The following NDUFAF2 variants were observed in gnomAD, a reference collection of about 807,000 sequenced individuals.
NDUFAF2 encodes the protein NADH:ubiquinone oxidoreductase complex assembly factor 2.
Under a neutral mutation model 22.8 loss-of-function variants are expected in NDUFAF2, and 13 were observed. The observed-to-expected ratio is 0.57, with a 90% CI of 0.37 to 0.91. The LOEUF (loss-of-function observed/expected upper bound fraction) is 0.91, where lower values mean the gene tolerates loss of function less well. Among genes scored for constraint, NDUFAF2 ranks in the 40% least tolerant of loss-of-function variants. The pLI, the probability that NDUFAF2 is intolerant of heterozygous loss-of-function variation, is 0.01. For missense variants in NDUFAF2, 162 were observed against 195.2 expected, an observed-to-expected ratio of 0.83 and a Z score of 1.01; for synonymous variants, 53 against 64.2, an observed-to-expected ratio of 0.83 and a Z score of 0.84.
At chr5:60,982,858 A>C (rs1485403743) in intron 1 of NDUFAF2, among the ~76,000 whole-genome samples, 1 of 152,066 alleles carries the variant, frequency 6.6e-6, no homozygotes, top group South Asian at 2.1e-4. Context: ...CGCAATAAAC[A>C]TACGTGTGCA....
At chr5:61,059,768 A>C (rs949983055) in intron 1 of NDUFAF2, among the ~76,000 whole-genome samples, 5 of 152,082 alleles carry the variant, frequency 3.3e-5, no homozygotes, top group African/African-American at 7.2e-5. Context: ...TATCTGTAAG[A>C]CTTCTATAAT....
At chr5:61,053,190 A>G (rs1752046835) in intron 1 of NDUFAF2, among the ~76,000 whole-genome samples, 1 of 152,252 alleles carries the variant, frequency 6.6e-6, no homozygotes, top group Non-Finnish European at 1.5e-5. Flanking sequence ...CTGCATGGAA[A>G]GAACTGCATG....
chr5:61,004,075 C>T (rs925975948), intron 1 of NDUFAF2, among the ~76,000 whole-genome samples: 1 of 151,972 alleles, frequency 6.6e-6, no homozygotes. Context: ...TGCTTACTTG[C>T]CTATCCTGTA....
At chr5:61,054,620 C>T (rs1752064476) in intron 1 of NDUFAF2, among the ~76,000 whole-genome samples, 1 of 152,170 alleles carries the variant, frequency 6.6e-6, no homozygotes, top group Admixed American at 6.5e-5. Context: ...CCCCTTGCTA[C>T]TTAATTGGTA....
At chr5:61,004,183 C>G (rs1397683447) in intron 1 of NDUFAF2, among the ~76,000 whole-genome samples, 1 of 151,934 alleles carries the variant, frequency 6.6e-6, no homozygotes. Context: ...AGTTTTCTGT[C>G]TTATTTGTTT....
At chr5:61,089,629 A>G (rs886402268) in intron 2 of NDUFAF2, among the ~76,000 whole-genome samples, 3 of 152,110 alleles carry the variant, frequency 2.0e-5, no homozygotes, top group Admixed American at 2.0e-4. Context: ...ACAATTATAA[A>G]TATACAAGCT....
intron 1 of NDUFAF2, among the ~76,000 whole-genome samples, chr5:61,052,301 T>C (rs893093958): frequency 1.3e-5 from 2 of 152,152 alleles, no homozygotes; most frequent in African/African-American, 4.8e-5. Flanking sequence ...AGAAAAATTA[T>C]ATTTGTTATT....
At chr5:61,094,728 A>G (rs1040005982) in intron 2 of NDUFAF2, among the ~76,000 whole-genome samples, 6 of 152,090 alleles carry the variant, frequency 3.9e-5, no homozygotes, top group African/African-American at 1.4e-4. Flanking sequence ...GGGCTACTGC[A>G]GTTTTCTGGG....
At chr5:60,986,438 C>G (rs1341796689) in intron 1 of NDUFAF2, among the ~76,000 whole-genome samples, 1 of 152,096 alleles carries the variant, frequency 6.6e-6, no homozygotes, top group Non-Finnish European at 1.5e-5. Context: ...AAAGATACAA[C>G]ATACTAGAAT....
At chr5:60,946,093 C>T (rs1441681160) in intron 1 of NDUFAF2, among the ~76,000 whole-genome samples, 1 of 152,016 alleles carries the variant, frequency 6.6e-6, no homozygotes, top group Non-Finnish European at 1.5e-5. Context: ...AGTAGTTGAG[C>T]GGGTTGTTTG....
chr5:60,999,696 T>A (rs1037356910), intron 1 of NDUFAF2, among the ~76,000 whole-genome samples: 78 of 152,192 alleles, frequency 5.1e-4, no homozygotes, highest in African/African-American at 1.9e-3. Context: ...ATGGTAAATT[T>A]TATGTTATGT....
intron 1 of NDUFAF2, among the ~76,000 whole-genome samples, chr5:61,060,363 A>G (rs1223649398): frequency 1.3e-5 from 2 of 152,166 alleles, no homozygotes; most frequent in African/African-American, 4.8e-5. Flanking sequence ...AACCTAATAT[A>G]TGTAGCGTGG....
chr5:61,065,798 G>A (rs1580119434), intron 1 of NDUFAF2, among the ~76,000 whole-genome samples: 1 of 152,100 alleles, frequency 6.6e-6, no homozygotes, highest in East Asian at 1.9e-4. Context: ...GCAAGGACAT[G>A]CACTCCTGCC....
At chr5:60,983,961 ATG>A (rs1292370688) in intron 1 of NDUFAF2, among the ~76,000 whole-genome samples, 2 of 152,052 alleles carry the variant, frequency 1.3e-5, no homozygotes, top group Non-Finnish European at 2.9e-5. Flanking sequence ...CTTGATGGGG[ATG>A]GCATTGAATC....
intron 1 of NDUFAF2, among the ~76,000 whole-genome samples, chr5:61,009,941 C>T (rs1751423132): frequency 6.6e-6 from 1 of 151,982 alleles, no homozygotes; most frequent in Admixed American, 6.6e-5. Flanking sequence ...ATAAATGATG[C>T]CACTTCCAGC....
At chr5:61,132,190 A>G (rs1348115245) in intron 3 of NDUFAF2, among the ~76,000 whole-genome samples, 2 of 152,186 alleles carry the variant, frequency 1.3e-5, no homozygotes, top group Non-Finnish European at 2.9e-5. Context: ...TCTAAGCTTC[A>G]TGAAAGCAGG....
rs150963302 is a variant in NDUFAF2 at position 61,024,853 on chromosome 5, T to C, written c.128-48272T>C. ...TATTCTAGCCTACCTTATTCTATCATACTACATATCAGCCTTGTTCTCTGT... is the reference window on the plus strand; with the variant it reads ...TATTCTAGCCTACCTTATTCTATCACACTACATATCAGCCTTGTTCTCTGT... On this transcript the variant is annotated intron_variant, in intron 1 of 3. Transcript: ENST00000296597. Among the ~76,000 whole-genome samples, 476 of 152,274 alleles carry C rather than the reference T, an allele frequency of 3.1e-3. 15 individuals are homozygous for C. Among genetic ancestry groups the C allele is most frequent in the Admixed American group, 0.028 (429 of 15,278 alleles).
chr5:61,034,498 G>A (rs910601594), intron 1 of NDUFAF2, among the ~76,000 whole-genome samples: 1 of 152,090 alleles, frequency 6.6e-6, no homozygotes, highest in Non-Finnish European at 1.5e-5. Context: ...TAATCTTACA[G>A]GACCACTGTC....
chr5:60,968,410 C>T (rs1406020611), intron 1 of NDUFAF2, among the ~76,000 whole-genome samples: 1 of 151,622 alleles, frequency 6.6e-6, no homozygotes, highest in African/African-American at 2.4e-5. Context: ...TTTTCTACTT[C>T]CTGAGGCATA....
Sources: allele counts gnomAD v4.1 joint callset (sites outside exome capture counted in the v4.1 genomes callset), GRCh38; gene constraint gnomAD v4.1.1; transcripts MANE v1.5; gene names NCBI Gene and HGNC (gene_info 2026-07-23, HGNC 2026-07-21).